The following SRBD1 variants were observed in gnomAD, a reference collection of about 807,000 sequenced individuals.
SRBD1 encodes the protein S1 RNA-binding domain-containing protein 1.
A neutral mutation model predicts 115.3 loss-of-function variants in SRBD1; 88 were observed. That is an observed-to-expected ratio of 0.76 (90% CI 0.64 to 0.91). SRBD1 has a LOEUF of 0.91. Ranked by LOEUF, SRBD1 falls within the 40% of genes least tolerant of loss-of-function variation. The pLI, the probability that SRBD1 is intolerant of heterozygous loss-of-function variation, is 0.00. For missense variants in SRBD1, 1,385 were observed against 1,177.4 expected (o/e 1.18, Z -2.58); for synonymous variants, 509 against 407.7 (o/e 1.25, Z -2.99).
chr2:45,553,660 T>C lies in SRBD1; in HGVS notation c.1480A>G (p.Lys494Glu), dbSNP rs1404460727. The C allele has an allele frequency of 6.2e-7, 1 of 1,606,966 alleles. No homozygotes were observed. ...ILYNSLNDSF[K>E]RLIYPLLCRE... ...CAGAGAAGAGGATAAATAAGGCGTTTAAAGGAATCATTCAGTGAATTATAT... is the reference window on the plus strand; with the variant it reads ...CAGAGAAGAGGATAAATAAGGCGTTCAAAGGAATCATTCAGTGAATTATAT... Residue 494 changes from lysine (K) to glutamate (E), a missense_variant, in exon 11 of 21, where the codon AAA becomes GAA. Lys to Glu is a moderately conservative substitution (Grantham distance 56). Coordinates refer to ENST00000263736, the MANE Select transcript of SRBD1 (RefSeq NM_018079.5).
At chr2:45,434,182 G>A (rs1668420843) in intron 16 of SRBD1, among the ~76,000 whole-genome samples, 1 of 152,158 alleles carries the variant, frequency 6.6e-6, no homozygotes, top group Admixed American at 6.5e-5. Context: ...AAGGATCCTT[G>A]GGACAATGAT....
intron 14 of SRBD1, among the ~76,000 whole-genome samples, chr2:45,514,809 C>T (rs1572721834): frequency 6.6e-6 from 1 of 152,170 alleles, no homozygotes; most frequent in East Asian, 1.9e-4. Flanking sequence ...TTCCAATTTG[C>T]ACTTAAACCA....
chr2:45,572,971 T>TA (rs1673066938), intron 9 of SRBD1, among the ~76,000 whole-genome samples: 1 of 152,172 alleles, frequency 6.6e-6, no homozygotes, highest in Non-Finnish European at 1.5e-5. Context: ...TCAAGATACC[T>TA]AAAATGTTAT....
chr2:45,465,185 A>C (rs1669446947), intron 16 of SRBD1, among the ~76,000 whole-genome samples: 1 of 152,106 alleles, frequency 6.6e-6, no homozygotes, highest in African/African-American at 2.4e-5. Context: ...GTGTACTTTA[A>C]ATCATCTCTA....
rs1265214766 is a variant in SRBD1 at position 45,456,212 on chromosome 2, G to T, written c.2049+20781C>A. 2.6e-5 allele frequency among the ~76,000 whole-genome samples: 4 copies of T among 151,794 alleles called. No homozygotes were observed. The East Asian group carries it at 7.7e-4, about 29-fold the overall frequency. ...TTTCTGGAAAGTAAGGGGAAAAAAA[G>T]TATTAAACAGGAAAGAATGAAACAA... On this transcript the variant is annotated intron_variant, in intron 16 of 20. Coordinates refer to ENST00000263736, the MANE Select transcript of SRBD1 (RefSeq NM_018079.5).
At chr2:45,550,544 T>A (rs1048457601) in intron 12 of SRBD1, among the ~76,000 whole-genome samples, 2 of 145,876 alleles carry the variant, frequency 1.4e-5, no homozygotes, top group Non-Finnish European at 3.0e-5. Context: ...TAACTGCCAA[T>A]CTTGAATTCT....
intron 14 of SRBD1, among the ~76,000 whole-genome samples, chr2:45,545,315 A>AAAAAAAC (rs1209226372): frequency 0.011 from 1,375 of 123,470 alleles, 47 homozygotes; most frequent in South Asian, 0.032. Flanking sequence ...AAAAAAAAAA[A>AAAAAAAC]CAGATGAACC....
chr2:45,446,939 C>G (rs1668842982), intron 16 of SRBD1, among the ~76,000 whole-genome samples: 1 of 152,160 alleles, frequency 6.6e-6, no homozygotes, highest in South Asian at 2.1e-4. Flanking sequence ...TTTCAACATG[C>G]ATGAACTTAG....
At chr2:45,505,160 G>A (rs984316669) in intron 14 of SRBD1, among the ~76,000 whole-genome samples, 5 of 152,062 alleles carry the variant, frequency 3.3e-5, no homozygotes, top group Non-Finnish European at 7.4e-5. Context: ...CTCTTCCTGA[G>A]AAAGGAAAAA....
chr2:45,486,456 G>C (rs918726217), intron 15 of SRBD1, among the ~76,000 whole-genome samples: 1 of 152,076 alleles, frequency 6.6e-6, no homozygotes, highest in East Asian at 1.9e-4. Flanking sequence ...GGCTGGGTGC[G>C]GTGGCTCACG....
intron 4 of SRBD1, among the ~76,000 whole-genome samples, chr2:45,595,222 C>G (rs1163406124): frequency 6.6e-6 from 1 of 152,104 alleles, no homozygotes; most frequent in Non-Finnish European, 1.5e-5. Flanking sequence ...CAGTGATGTT[C>G]CTGAAAAAAA....
In SRBD1 at chr2:45,611,221, T is replaced by A. The variant is rs1441036517; in HGVS notation, c.-3A>T. On this transcript the variant is annotated splice_region_variant and 5_prime_UTR_variant, in exon 1 of 21. Transcript: ENST00000263736. Reference sequence around the variant, plus strand: ...GCCAAGGCGCACGCACAGCTCACCTTCCCGCCCGGCACGTCAGAAGACCCG... The same window carrying A: ...GCCAAGGCGCACGCACAGCTCACCTACCCGCCCGGCACGTCAGAAGACCCG... 1 of 151,860 alleles carries A rather than the reference T, an allele frequency of 6.6e-6. No homozygotes were observed. The highest frequency in any genetic ancestry group is 1.5e-5 in the Non-Finnish European group (1 of 67,910). 9.4% of individuals were successfully genotyped at this position (151,860 alleles called of 1,614,324 possible).
chr2:45,570,153 T>C (rs1237098560), intron 9 of SRBD1, among the ~76,000 whole-genome samples: 3 of 152,230 alleles, frequency 2.0e-5, no homozygotes, highest in Admixed American at 2.0e-4. Context: ...CACAAAACCT[T>C]AAATATTTGT....
chr2:45,573,120 T>C (rs1572793785), intron 9 of SRBD1, 87 bp downstream of exon 9: 4 of 1,352,888 alleles, frequency 3.0e-6, no homozygotes, highest in Non-Finnish European at 2.0e-6. Flanking sequence ...GACATAAAAT[T>C]ATTTAAATTC....
chr2:45,531,477 A>G (rs1032208533), intron 14 of SRBD1, among the ~76,000 whole-genome samples: 3 of 151,912 alleles, frequency 2.0e-5, no homozygotes, highest in Admixed American at 2.0e-4. Context: ...TTTGAAGGCA[A>G]GTAAATATCT....
At chr2:45,538,226 C>G (rs1671826043) in intron 14 of SRBD1, among the ~76,000 whole-genome samples, 1 of 152,138 alleles carries the variant, frequency 6.6e-6, no homozygotes, top group African/African-American at 2.4e-5. Context: ...TCATAACACC[C>G]CATGAAAGGA....
intron 15 of SRBD1, 132 bp from the exon 16 acceptor site, chr2:45,477,207 C>T (rs1460709854): frequency 1.5e-6 from 1 of 657,280 alleles, no homozygotes; most frequent in African/African-American, 1.8e-5. Context: ...AAAAGGCCAA[C>T]AATTTAAATT....
intron 18 of SRBD1, among the ~76,000 whole-genome samples, chr2:45,416,861 C>G (rs752989226): frequency 8.5e-5 from 13 of 152,108 alleles, no homozygotes; most frequent in Non-Finnish European, 1.5e-4. Context: ...TCACTGCAAC[C>G]TCCACCTCCT....
intron 16 of SRBD1, among the ~76,000 whole-genome samples, chr2:45,472,257 T>G (rs1012900710): frequency 6.6e-6 from 1 of 152,202 alleles, no homozygotes; most frequent in African/African-American, 2.4e-5. Context: ...ATTGTATGAT[T>G]CCATGTATAT....
Sources: gnomAD v4.1 joint callset for allele counts (sites outside exome capture counted in the v4.1 genomes callset) on GRCh38, gnomAD v4.1.1 for gene constraint, MANE v1.5 for transcripts, NCBI Gene and HGNC (gene_info 2026-07-23, HGNC 2026-07-21) for gene names.